Variants in NAALADL2 observed in about 807,000 individuals in gnomAD.
The protein encoded by NAALADL2 is N-acetylated alpha-linked acidic dipeptidase like 2.
Under a neutral mutation model 87.2 loss-of-function variants are expected in NAALADL2, and 76 were observed. The ratio of observed to expected loss-of-function variants is 0.87; its 90% CI spans 0.72 to 1.05. The LOEUF is 1.05. NAALADL2 is among the 50% of genes least tolerant of loss of function. The pLI, the probability that NAALADL2 is intolerant of heterozygous loss-of-function variation, is 0.00. For missense variants in NAALADL2, 1,089 were observed against 945.8 expected (o/e 1.15, Z -1.99); for synonymous variants, 354 against 331.0 (o/e 1.07, Z -0.75).
chr3:175,724,509 T>G (rs921522843), intron 11 of NAALADL2, among the ~76,000 whole-genome samples: 8 of 152,156 alleles, frequency 5.3e-5, no homozygotes, highest in Non-Finnish European at 8.8e-5. Flanking sequence ...TTTTTCTATT[T>G]TTAAAATGTC....
At position 175,403,057 on chromosome 3, in the gene NAALADL2, G is replaced by C. The variant is rs140465056; in HGVS notation, c.1091-44172G>C. 8.6e-3 allele frequency among the ~76,000 whole-genome samples: 1,312 copies of C among 152,124 alleles called. 21 individuals carry two copies. Among genetic ancestry groups the C allele is most frequent in the African/African-American group, 0.03 (1,251 of 41,532 alleles). On this transcript the variant is annotated intron_variant, in intron 5 of 13. Coordinates refer to ENST00000454872, the MANE Select transcript of NAALADL2 (RefSeq NM_207015.3). ...TGGTTTGAGCTTTATTTTTTTGTTTGTTTTATTTTGTTTGGGGATGTGTGT... is the reference window on the plus strand; with the variant it reads ...TGGTTTGAGCTTTATTTTTTTGTTTCTTTTATTTTGTTTGGGGATGTGTGT...
intron 1 of NAALADL2, among the ~76,000 whole-genome samples, chr3:174,534,619 G>A (rs1295758502): frequency 1.3e-5 from 2 of 152,086 alleles, no homozygotes; most frequent in African/African-American, 2.4e-5. Context: ...AAACTTAGAA[G>A]CCCCAAGAAC....
At chr3:175,172,231 A>G (rs546594770) in intron 2 of NAALADL2, among the ~76,000 whole-genome samples, 1 of 151,288 alleles carries the variant, frequency 6.6e-6, no homozygotes, top group African/African-American at 2.4e-5. Context: ...ATCCCACTGT[A>G]TAATTATTTT....
chr3:175,297,416 C>T (rs891950374), intron 4 of NAALADL2, among the ~76,000 whole-genome samples: 1 of 152,116 alleles, frequency 6.6e-6, no homozygotes, highest in Non-Finnish European at 1.5e-5. Flanking sequence ...CATGGACTGC[C>T]AAAAATGTCC....
Position 174,640,980 on chromosome 3 carries a change from C to T in NAALADL2, c.-115+90343C>T, listed in dbSNP as rs571460030. Among the ~76,000 whole-genome samples the T allele has an allele frequency of 4.6e-5, 7 of 152,332 alleles. No homozygotes were observed. In the South Asian group the frequency reaches 1.2e-3, roughly 27 times the overall value. ...AGGAAGGTAGCAGAGACCGTTCCTTCCCCCGGGCTGCACCCTCCCCTCCAG... is the reference window on the plus strand; with the variant it reads ...AGGAAGGTAGCAGAGACCGTTCCTTTCCCCGGGCTGCACCCTCCCCTCCAG... On this transcript the variant is annotated intron_variant, in intron 2 of 3. Coordinates refer to the NAALADL2 transcript ENST00000434257.
chr3:174,703,155 T>G (rs938466387), intron 2 of NAALADL2, among the ~76,000 whole-genome samples: 4 of 152,180 alleles, frequency 2.6e-5, no homozygotes, highest in Non-Finnish European at 5.9e-5. Flanking sequence ...TTAATTATTT[T>G]TAGAGACAGG....
chr3:175,678,153 A>G (rs903260052), intron 11 of NAALADL2, among the ~76,000 whole-genome samples: 1 of 152,218 alleles, frequency 6.6e-6, no homozygotes, highest in Non-Finnish European at 1.5e-5. Context: ...TTAAAAATGT[A>G]TATTTTATCA....
intron 5 of NAALADL2, among the ~76,000 whole-genome samples, chr3:175,370,813 TC>T (rs1766384870): frequency 6.6e-6 from 1 of 152,184 alleles, no homozygotes; most frequent in South Asian, 2.1e-4. Flanking sequence ...TTCATTGTTT[TC>T]AATAAAAGGG....
chr3:175,165,680 A>C (rs966540264), intron 2 of NAALADL2, among the ~76,000 whole-genome samples: 3 of 152,090 alleles, frequency 2.0e-5, no homozygotes, highest in Non-Finnish European at 4.4e-5. Context: ...ATATTGTATA[A>C]TCTTTTTCTG....
intron 10 of NAALADL2, among the ~76,000 whole-genome samples, chr3:175,605,240 A>G (rs1723523418): frequency 6.6e-6 from 1 of 152,118 alleles, no homozygotes; most frequent in Non-Finnish European, 1.5e-5. Flanking sequence ...TGAGTTCTAT[A>G]CAGCAATCTG....
chr3:174,578,603 A>G (rs1256112284), intron 2 of NAALADL2, among the ~76,000 whole-genome samples: 1 of 152,006 alleles, frequency 6.6e-6, no homozygotes, highest in Non-Finnish European at 1.5e-5. Flanking sequence ...GATTTATAGT[A>G]CAAGAAATGT....
chr3:175,620,782 G>A (rs1273123384), intron 10 of NAALADL2, among the ~76,000 whole-genome samples: 1 of 152,162 alleles, frequency 6.6e-6, no homozygotes, highest in Non-Finnish European at 1.5e-5. Context: ...CCTGCAATCT[G>A]GCAGGTTACA....
intron 5 of NAALADL2, among the ~76,000 whole-genome samples, chr3:175,373,954 T>C (rs975344076): frequency 4.6e-5 from 7 of 152,188 alleles, no homozygotes; most frequent in Non-Finnish European, 7.4e-5. Flanking sequence ...TATATCTTTT[T>C]ATGGAAGAAT....
At chr3:175,368,011 T>G (rs1220619461) in intron 5 of NAALADL2, among the ~76,000 whole-genome samples, 1 of 152,158 alleles carries the variant, frequency 6.6e-6, no homozygotes, top group African/African-American at 2.4e-5. Flanking sequence ...ATAGCTCTTA[T>G]TATTTTGAGA....
chr3:175,226,426 C>T (rs568237270), intron 2 of NAALADL2, among the ~76,000 whole-genome samples: 15 of 152,216 alleles, frequency 9.9e-5, no homozygotes, highest in African/African-American at 3.6e-4. Flanking sequence ...TGCTTTCTAA[C>T]ACTCATCATT....
intron 2 of NAALADL2, among the ~76,000 whole-genome samples, chr3:174,727,543 C>T (rs1227334226): frequency 6.6e-6 from 1 of 151,952 alleles, no homozygotes; most frequent in Non-Finnish European, 1.5e-5. Flanking sequence ...ATTTTATTCA[C>T]TTGTTAAAAA....
intron 1 of NAALADL2, among the ~76,000 whole-genome samples, chr3:174,531,018 C>G (rs1407439475): frequency 6.6e-6 from 1 of 152,072 alleles, no homozygotes; most frequent in Non-Finnish European, 1.5e-5. Context: ...CATATGACTT[C>G]TGAAGAAGAC....
At chr3:175,129,950 C>A (rs1727553707) in intron 2 of NAALADL2, among the ~76,000 whole-genome samples, 1 of 152,180 alleles carries the variant, frequency 6.6e-6, no homozygotes, top group African/African-American at 2.4e-5. Flanking sequence ...GTGTACTTTT[C>A]TCCACATCCT....
In NAALADL2 at chr3:175,668,889, CA is replaced by C. The variant is rs527783369; in HGVS notation, c.1896+41504del. 1.6e-3 allele frequency among the ~76,000 whole-genome samples: 247 copies of C among 152,188 alleles called. 1 individual carries two copies. The highest frequency in any genetic ancestry group is 5.5e-3 in the African/African-American group (230 of 41,522). ...TGCAAATTTTGTGACTTAAAATGGA[CA>C]TTAATTAATAGCAGTTATTATTTAT... is the stretch of plus-strand genomic sequence containing the variant. On this transcript the variant is annotated intron_variant, in intron 11 of 13. Coordinates refer to ENST00000454872, the MANE Select transcript of NAALADL2 (RefSeq NM_207015.3).
Sources: allele counts gnomAD v4.1 joint callset (sites outside exome capture counted in the v4.1 genomes callset), GRCh38; gene constraint gnomAD v4.1.1; transcripts MANE v1.5; gene names NCBI Gene and HGNC (gene_info 2026-07-23, HGNC 2026-07-21).